The following ESR1 variants were observed in gnomAD, a reference collection of about 807,000 sequenced individuals.
ESR1 encodes estrogen receptor 1, also known as estrogen receptor.
A neutral mutation model predicts 52.7 loss-of-function variants in ESR1; 12 were observed. That is an observed-to-expected ratio of 0.23 (90% CI 0.15 to 0.37). The LOEUF is 0.37. ESR1 is among the 10% of genes least tolerant of loss of function. The probability of loss-of-function intolerance (pLI) is 1.00; values close to 1 mark genes in which losing one functional copy is unlikely to be tolerated. For synonymous variants in ESR1, 305 were observed against 316.8 expected (o/e 0.96, Z 0.39); for missense variants, 584 against 779.7 (o/e 0.75, Z 2.99).
chr6:151,702,113 T>C (rs1779839284), intron 2 of ESR1: 1 of 152,218 alleles, frequency 6.6e-6, no homozygotes, highest in Non-Finnish European at 1.5e-5. Context: ...ATTTAATTTC[T>C]TTCATTATCA....
At chr6:151,978,534 A>G (rs2039682279) in intron 4 of ESR1, among the ~76,000 whole-genome samples, 1 of 152,176 alleles carries the variant, frequency 6.6e-6, no homozygotes, top group Non-Finnish European at 1.5e-5. Context: ...AATTTGCAAG[A>G]AAAAGTAAAA....
intron 4 of ESR1, among the ~76,000 whole-genome samples, chr6:151,949,873 G>C (rs2036140047): frequency 6.6e-6 from 1 of 152,102 alleles, no homozygotes; most frequent in African/African-American, 2.4e-5. Flanking sequence ...AACATGTCTG[G>C]GGCATTTTGC....
chr6:152,107,059 T>A (rs1488964890), downstream of ESR1, among the ~76,000 whole-genome samples: 4 of 152,194 alleles, frequency 2.6e-5, no homozygotes, highest in African/African-American at 9.7e-5. Flanking sequence ...ATGACTATAA[T>A]GTGTTTTGGT....
chr6:152,005,241 C>G (rs536366656), intron 4 of ESR1, among the ~76,000 whole-genome samples: 1 of 151,964 alleles, frequency 6.6e-6, no homozygotes, highest in Non-Finnish European at 1.5e-5. Flanking sequence ...AACGTGCTTT[C>G]TTTTCTCATT....
intron 2 of ESR1, among the ~76,000 whole-genome samples, chr6:151,794,574 C>CA (rs575721122): frequency 2.0e-4 from 31 of 151,978 alleles, no homozygotes; most frequent in Admixed American, 5.9e-4. Flanking sequence ...CCGTTATTTA[C>CA]AAAGGTTTAA....
intron 1 of ESR1, among the ~76,000 whole-genome samples, chr6:151,677,212 G>A (rs1382358182): frequency 6.6e-6 from 1 of 152,184 alleles, no homozygotes; most frequent in Non-Finnish European, 1.5e-5. Context: ...AAAGTGGATA[G>A]AAAATTTGTG....
At chr6:151,694,794 A>C (rs1779207308) in intron 1 of ESR1, among the ~76,000 whole-genome samples, 1 of 120,078 alleles carries the variant, frequency 8.3e-6, no homozygotes, top group South Asian at 2.3e-4. Flanking sequence ...CTAAAAAAAG[A>C]CAAAAAAAAA....
chr6:151,807,802 C>G lies in ESR1; in HGVS notation c.-111C>G, dbSNP rs965149358. The G allele has an allele frequency of 9.0e-6, 9 of 1,004,470 alleles. No homozygotes were observed. Among genetic ancestry groups the G allele is most frequent in the South Asian group, 5.5e-5 (4 of 73,006 alleles). 62.2% of individuals were successfully genotyped at this position (1,004,470 alleles called of 1,614,324 possible). A position where few individuals can be genotyped will look rare whatever the true frequency, so the allele number is the denominator to read the frequency against. ...AGAGCTCGCGTGTCGGCGGGACATG[C>G]GCTGCGTCGCCTCTAACCTCGGGCT... On this transcript the variant is annotated 5_prime_UTR_variant, in exon 1 of 8. Coordinates refer to ENST00000206249, the MANE Select transcript of ESR1 (RefSeq NM_000125.4).
chr6:151,704,735 G>A (rs970939620), intron 2 of ESR1, among the ~76,000 whole-genome samples: 29 of 151,926 alleles, frequency 1.9e-4, no homozygotes, highest in African/African-American at 6.3e-4. Context: ...CAGTTTATTC[G>A]GTCATTACAA....
intron 4 of ESR1, among the ~76,000 whole-genome samples, chr6:151,998,356 T>C (rs913881871): frequency 2.0e-5 from 3 of 150,758 alleles, no homozygotes; most frequent in African/African-American, 7.3e-5. Flanking sequence ...GCCAATAAAA[T>C]CAGTATTATT....
chr6:151,704,642 A>G (rs1405039994), intron 2 of ESR1, among the ~76,000 whole-genome samples: 1 of 152,192 alleles, frequency 6.6e-6, no homozygotes, highest in African/African-American at 2.4e-5. Context: ...AGCTCAGTCA[A>G]GTAGTTTGCA....
In ESR1 at chr6:151,954,083, G is replaced by T. The variant is rs532630396; in HGVS notation, c.1096+9575G>T. Among the ~76,000 whole-genome samples, 7 of 152,034 alleles carry T rather than the reference G, an allele frequency of 4.6e-5. No individual in the cohort carries two copies. In the South Asian group the frequency reaches 1.5e-3, roughly 32 times the overall value. ...ACTAAATCCCCTGTCTCAAGCACGC[G>T]CCTGTACATTGAAATAGAATGTTAA... On this transcript the variant is annotated intron_variant, in intron 4 of 7. Coordinates refer to ENST00000206249, the MANE Select transcript of ESR1 (RefSeq NM_000125.4).
At position 152,098,823 on chromosome 6, in the gene ESR1, C is replaced by T. The variant is rs2050845544; in HGVS notation, c.1645C>T (p.Leu549=). The change falls in exon 8 of 8, where the codon CTA becomes TTA. Residue 549 remains leucine (L), a synonymous_variant. Coordinates refer to ENST00000206249, the MANE Select transcript of ESR1 (RefSeq NM_000125.4). The surrounding 1 kb of genome is among the most constrained non-coding windows in gnomAD (Gnocchi z 5.1). Reference sequence around the variant, plus strand: ...GCTGGAGATGCTGGACGCCCACCGCCTACATGCGCCCACTAGCCGTGGAGG... The same window carrying T: ...GCTGGAGATGCTGGACGCCCACCGCTTACATGCGCCCACTAGCCGTGGAGG... The part of the protein sequence containing the change: ...LLLEMLDAHR[L]HAPTSRGGAS... 2 of 1,614,096 alleles carry T rather than the reference C, an allele frequency of 1.2e-6. No homozygotes were observed. Among genetic ancestry groups the T allele is most frequent in the African/African-American group, 1.3e-5 (1 of 74,928 alleles).
Position 151,808,281 on chromosome 6 carries a change from C to G in ESR1, c.369C>G (p.Pro123=), listed in dbSNP as rs2128157000. 2 of 1,585,180 alleles carry G rather than the reference C, an allele frequency of 1.3e-6. No individual in the cohort carries two copies. Among genetic ancestry groups the G allele is most frequent in the Non-Finnish European group, 1.7e-6 (2 of 1,167,200 alleles). Residue 123 remains proline, a synonymous_variant, in exon 1 of 8, where the codon CCC becomes CCG. Transcript: ENST00000206249. ...CGCAGCTGTCGCCTTTCCTGCAGCC[C>G]CACGGCCAGCAGGTGCCCTACTACC... ...PPPQLSPFLQ[P]HGQQVPYYLE...
chr6:151,660,955 G>A (rs534113488), intron 1 of ESR1, among the ~76,000 whole-genome samples: 1 of 152,166 alleles, frequency 6.6e-6, no homozygotes, highest in African/African-American at 2.4e-5. Context: ...TTAGGGGTTC[G>A]GCTCAGGCAT....
rs995976300 is a variant in ESR1, at chr6:151,752,671, C to T, written c.-71+50666C>T. On this transcript the variant is annotated intron_variant, in intron 2 of 2. Coordinates refer to the ESR1 transcript ENST00000404742. Reference sequence around the variant, plus strand: ...AAAGGACTACACTATAGAATTAAAACGTTATTTTCAACAGATAGTACTTAT... The same window carrying T: ...AAAGGACTACACTATAGAATTAAAATGTTATTTTCAACAGATAGTACTTAT... 3.9e-5 allele frequency among the ~76,000 whole-genome samples: 6 copies of T among 152,152 alleles called. No homozygotes were observed. In the East Asian group the frequency reaches 5.8e-4, roughly 15 times the overall value.
At position 152,094,520 on chromosome 6, in the gene ESR1, A is replaced by G. The variant is rs1192568577; in HGVS notation, c.1505A>G (p.Gln502Arg). The change falls in exon 7 of 8, where the codon CAG (glutamine) becomes CGG (arginine). Residue 502 changes from glutamine to arginine, a missense_variant. Gln to Arg is a conservative substitution (Grantham distance 43, BLOSUM62 1). Around this residue, in one of 6 missense-constraint regions of ESR1, gnomAD observed 141 missense variants for 289.3 expected, o/e 0.49. Coordinates refer to ENST00000206249, the MANE Select transcript of ESR1 (RefSeq NM_000125.4). This position sits in a 1 kb window ranked among gnomAD's most constrained non-coding sequence, Gnocchi z 4.6. ...GGCCTGACCCTGCAGCAGCAGCACCAGCGGCTGGCCCAGCTCCTCCTCATC... is the reference window on the plus strand; with the variant it reads ...GGCCTGACCCTGCAGCAGCAGCACCGGCGGCTGGCCCAGCTCCTCCTCATC... The part of the protein sequence containing the change: ...KAGLTLQQQH[Q>R]RLAQLLLILS... The G allele has an allele frequency of 6.2e-6, 10 of 1,614,020 alleles. No individual in the cohort carries two copies. Among genetic ancestry groups the G allele is most frequent in the African/African-American group, 1.3e-5 (1 of 74,910 alleles).
chr6:151,775,312 C>T (rs538130928), intron 2 of ESR1, among the ~76,000 whole-genome samples: 1 of 152,062 alleles, frequency 6.6e-6, no homozygotes, highest in African/African-American at 2.4e-5. Context: ...GCTCAGTATC[C>T]CTAATCTGAA....
intron 1 of ESR1, among the ~76,000 whole-genome samples, chr6:151,813,036 GA>G (rs1484883381): frequency 6.6e-6 from 1 of 151,752 alleles, no homozygotes; most frequent in Non-Finnish European, 1.5e-5. Flanking sequence ...ACTGATCTCT[GA>G]AATCCCAGAA....
Sources: allele counts gnomAD v4.1 joint callset (sites outside exome capture counted in the v4.1 genomes callset), GRCh38; gene constraint gnomAD v4.1.1; regional missense constraint gnomAD v4.1.1; non-coding constraint Gnocchi (gnomAD v3.1); transcripts MANE v1.5; gene names NCBI Gene and HGNC (gene_info 2026-07-23, HGNC 2026-07-21).